ZNF774: variants seen among roughly 807,000 people sequenced by gnomAD.
ZNF774 encodes the protein zinc finger protein 774.
Under a neutral mutation model 11.1 loss-of-function variants are expected in ZNF774, and 14 were observed. That is an observed-to-expected ratio of 1.26 (90% CI 0.83 to 1.97). The LOEUF (loss-of-function observed/expected upper bound fraction) is 1.97, where lower values mean the gene tolerates loss of function less well. Ranked by LOEUF, ZNF774 falls within the 30% of genes most tolerant of loss-of-function variation. The probability of loss-of-function intolerance (pLI) is 0.00; values close to 1 mark genes in which losing one functional copy is unlikely to be tolerated. For missense variants in ZNF774, 599 were observed against 587.0 expected (o/e 1.02, Z -0.21); for synonymous variants, 195 against 212.6 (o/e 0.92, Z 0.72).
Position 90,361,588 on chromosome 15 carries a change from G to A in ZNF774, c.*305G>A, listed in dbSNP as rs1964338542. 1 of 1,019,216 alleles carries A rather than the reference G, an allele frequency of 9.8e-7. No homozygotes were observed. The highest frequency in any genetic ancestry group is 1.2e-6 in the Non-Finnish European group (1 of 834,000). 63.1% of individuals were successfully genotyped at this position (1,019,216 alleles called of 1,614,324 possible). A position where few individuals can be genotyped will look rare whatever the true frequency, so the allele number is the denominator to read the frequency against. ...GCACTTTTGGGAGGCCAAGGTGGGT[G>A]GATCACTTGAGGTCAGGAGTTGAGA... On this transcript the variant is annotated 3_prime_UTR_variant, in exon 4 of 4. Transcript: ENST00000354377.
In ZNF774 at chr15:90,360,864, AG is replaced by A; in HGVS notation, c.1035del (p.Arg345SerfsTer82). The A allele has an allele frequency of 6.2e-7, 1 of 1,614,148 alleles. No individual in the cohort carries two copies. The highest frequency in any genetic ancestry group is 8.5e-7 in the Non-Finnish European group (1 of 1,180,030). On this transcript the variant is annotated frameshift_variant, in exon 4 of 4. Coordinates refer to ENST00000354377, the MANE Select transcript of ZNF774 (RefSeq NM_001004309.3). LOFTEE classifies it low-confidence loss of function (END_TRUNC). Reference protein sequence around the residue: ...VAHMSTHSGERPFSCPDCHKS... With the variant: ...VAHMSTHSGEXPFSCPDCHKS... ...TCACATGAGCACTCATTCAGGAGAG[AG>A]GCCTTTCAGTTGTCCTGACTGCCAC...
chr15:90,359,120 C>T (rs1223986088), intron 3 of ZNF774, among the ~76,000 whole-genome samples, 163 bp downstream of exon 3: 1 of 143,446 alleles, frequency 7.0e-6, no homozygotes, highest in Non-Finnish European at 1.5e-5. Context: ...GGCCGGACTG[C>T]GGACTGCAGT....
rs1174854630 is a variant in ZNF774, at chr15:90,360,411, C to T, written c.580C>T (p.Leu194Phe). 4 of 1,613,276 alleles carry T rather than the reference C, an allele frequency of 2.5e-6. No homozygotes were observed. Among genetic ancestry groups the T allele is most frequent in the South Asian group, 2.2e-5 (2 of 91,050 alleles). The change falls in exon 4 of 4, where the codon CTT becomes TTT. Residue 194 changes from leucine to phenylalanine, a missense_variant. Transcript: ENST00000354377. The part of the protein sequence containing the change: ...CGKGFKQSSD[L>F]VTHRRTHTGE... The stretch of plus-strand genomic sequence containing the variant: ...GAAAGGCTTCAAACAGAGCTCAGAC[C>T]TTGTCACCCATCGCAGAACACACAC...
Position 90,362,517 on chromosome 15 carries a change from G to T in ZNF774, c.*1234G>T, listed in dbSNP as rs1413696021. ...CTGGGTCATTGGCCATTTAGTTTTA[G>T]GTTAATATAATTCTCTGATCCTTTT... On this transcript the variant is annotated 3_prime_UTR_variant, in exon 4 of 4. Coordinates refer to ENST00000354377, the MANE Select transcript of ZNF774 (RefSeq NM_001004309.3). 6.5e-7 allele frequency: 1 copy of T among 1,534,368 alleles called. No individual in the cohort carries two copies. The highest frequency in any genetic ancestry group is 2.0e-5 in the Admixed American group (1 of 50,960).
At chr15:90,355,480 T>C in intron 2 of ZNF774, 1 of 455,578 alleles carries the variant, frequency 2.2e-6, no homozygotes, top group Non-Finnish European at 4.4e-6. Context: ...ATCCCAGCAC[T>C]TTGGTAGGCT....
intron 3 of ZNF774, among the ~76,000 whole-genome samples, chr15:90,359,293 C>T (rs1454886667): frequency 6.6e-6 from 1 of 150,652 alleles, no homozygotes; most frequent in South Asian, 2.1e-4. Context: ...AGGATGGTCT[C>T]GATCTCCTGA....
In ZNF774 at chr15:90,360,495, C is replaced by G. The variant is rs74868296; in HGVS notation, c.664C>G (p.Leu222Val). Residue 222 changes from leucine (L) to valine (V), a missense_variant, in exon 4 of 4, where the codon CTC (leucine) becomes GTC (valine). Leu to Val is a conservative substitution (Grantham distance 32). Transcript: ENST00000354377. The part of the protein sequence containing the change: ...CEKKFSDSST[L>V]IKHQRTHTGE... Reference sequence around the variant, plus strand: ...GAAGAAATTCAGCGACAGCTCAACACTCATCAAACATCAGAGAACCCACAC... The same window carrying G: ...GAAGAAATTCAGCGACAGCTCAACAGTCATCAAACATCAGAGAACCCACAC... 9 of 1,614,008 alleles carry G rather than the reference C, an allele frequency of 5.6e-6. No homozygotes were observed. In the African/African-American group the frequency reaches 1.1e-4, roughly 19 times the overall value.
rs2151682799 is a variant in ZNF774, at chr15:90,359,982, T to C, written c.212-61T>C. On this transcript the variant is annotated intron_variant, in intron 3 of 3. Coordinates refer to ENST00000354377, the MANE Select transcript of ZNF774 (RefSeq NM_001004309.3). ...GGGATTTTAATCTTTGTCACTGCTT[T>C]CTGATATTCCTTCCTGATAACTGAT... The C allele has an allele frequency of 4.0e-6, 6 of 1,509,692 alleles. No individual in the cohort carries two copies. The South Asian group carries it at 5.4e-5, about 14-fold the overall frequency. The allele number at this position is 1,509,692 out of a possible 1,614,324, so 93.5% of individuals were successfully genotyped here.
intron 2 of ZNF774, among the ~76,000 whole-genome samples, chr15:90,356,027 CA>C (rs34661455): frequency 0.3 from 33,981 of 112,362 alleles, 5,299 homozygotes; most frequent in East Asian, 0.63. Context: ...GACTCCATCT[CA>C]AAAAAAAAAA....
At position 90,361,248 on chromosome 15, in the gene ZNF774, CA is replaced by C; in HGVS notation, c.1418del (p.His473LeufsTer10). 6.2e-7 allele frequency: 1 copy of C among 1,610,210 alleles called. No homozygotes were observed. Among genetic ancestry groups the C allele is most frequent in the Non-Finnish European group, 8.5e-7 (1 of 1,177,722 alleles). On this transcript the variant is annotated frameshift_variant, in exon 4 of 4. Transcript: ENST00000354377. LOFTEE classifies it high-confidence loss of function. ...KCNKSFRQKA[H>X]LLCHQNTHLI is the part of the protein sequence containing the mutation. Reference sequence around the variant, plus strand: ...TAACAAGAGCTTCCGTCAGAAAGCGCATCTTTTATGCCATCAAAACACCCAT... The same window carrying C: ...TAACAAGAGCTTCCGTCAGAAAGCGCTCTTTTATGCCATCAAAACACCCAT...
chr15:90,359,060 CA>C (rs1272701863), intron 3 of ZNF774, 103 bp downstream of exon 3: 25 of 420,192 alleles, frequency 5.9e-5, no homozygotes, highest in Non-Finnish European at 8.8e-5. Flanking sequence ...TACTAGCAGA[CA>C]TTTTTTTTTT....
chr15:90,355,593 G>A (rs1367880335), intron 2 of ZNF774, among the ~76,000 whole-genome samples: 1 of 151,692 alleles, frequency 6.6e-6, no homozygotes, highest in Non-Finnish European at 1.5e-5. Flanking sequence ...TGTGATAGCG[G>A]GCGCCTGTAA....
Position 90,360,045 on chromosome 15 carries a change from T to TGTGAGCATCAG in ZNF774, c.218_228dup (p.Ala77SerfsTer43). Reference sequence around the variant, plus strand: ...TGTTACTTACATTAATTTTTCAGACTGTGAGCATCAGGTGGCAAAGCTCAA... The same window carrying TGTGAGCATCAG: ...TGTTACTTACATTAATTTTTCAGACTGTGAGCATCAGGTGAGCATCAGGTGGCAAAGCTCAA... On this transcript the variant is annotated frameshift_variant, in exon 4 of 4. Coordinates refer to ENST00000354377, the MANE Select transcript of ZNF774 (RefSeq NM_001004309.3). LOFTEE classifies it low-confidence loss of function (END_TRUNC). 1 of 1,597,788 alleles carries TGTGAGCATCAG rather than the reference T, an allele frequency of 6.3e-7. No homozygotes were observed. Among genetic ancestry groups the TGTGAGCATCAG allele is most frequent in the Non-Finnish European group, 8.5e-7 (1 of 1,171,346 alleles).
At chr15:90,353,819 T>C (rs1055767656) in intron 1 of ZNF774, among the ~76,000 whole-genome samples, 1 of 152,116 alleles carries the variant, frequency 6.6e-6, no homozygotes, top group Non-Finnish European at 1.5e-5. Flanking sequence ...GGCTGGTTTA[T>C]TGGAAACTTT....
chr15:90,354,623 T>G lies in ZNF774; in HGVS notation c.-19-19T>G. On this transcript the variant is annotated intron_variant, in intron 1 of 3. Transcript: ENST00000354377. ...ATATCTAGGGAGCTACTGATGCACA[T>G]TGAGGTCTCTTGCTTTAGGAACTGA... The G allele has an allele frequency of 6.7e-7, 1 of 1,497,890 alleles. No homozygotes were observed. The highest frequency in any genetic ancestry group is 2.3e-5 in the East Asian group (1 of 43,484). The allele number at this position is 1,497,890 out of a possible 1,614,324, so 92.8% of individuals were successfully genotyped here. A position where few individuals can be genotyped will look rare whatever the true frequency, so the allele number is the denominator to read the frequency against.
rs911702813 is a variant in ZNF774, at chr15:90,362,323, A to T, written c.*1040A>T. ...CAGTGTATGGCAGTGTATCTACCAG[A>T]GGTTTGCTGTCATCTGACACAGAGA... On this transcript the variant is annotated 3_prime_UTR_variant, in exon 4 of 4. Transcript: ENST00000354377. 7.5e-6 allele frequency: 4 copies of T among 531,218 alleles called. No homozygotes were observed. The Admixed American group carries it at 1.3e-4, about 17-fold the overall frequency. 32.9% of individuals were successfully genotyped at this position (531,218 alleles called of 1,614,324 possible). A position where few individuals can be genotyped will look rare whatever the true frequency, so the allele number is the denominator to read the frequency against.
intron 2 of ZNF774, among the ~76,000 whole-genome samples, chr15:90,355,892 G>A (rs1274921855): frequency 6.6e-6 from 1 of 150,886 alleles, no homozygotes; most frequent in Non-Finnish European, 1.5e-5. Context: ...AGCCAGGCAT[G>A]GTGGTGGGCA....
intron 3 of ZNF774, 82 bp downstream of exon 3, chr15:90,359,039 A>C (rs1964286207): frequency 9.6e-7 from 1 of 1,040,454 alleles, no homozygotes; most frequent in South Asian, 1.4e-5. Context: ...GCTGCCTTAG[A>C]ATTTTGTTCT....
chr15:90,354,899 A>T, intron 2 of ZNF774, 135 bp downstream of exon 2: 2 of 739,908 alleles, frequency 2.7e-6, no homozygotes, highest in Non-Finnish European at 4.6e-6. Context: ...GGCTCAAGCG[A>T]TTCTCCCACC....
Sources: allele counts gnomAD v4.1 joint callset (sites outside exome capture counted in the v4.1 genomes callset), GRCh38; gene constraint gnomAD v4.1.1; transcripts MANE v1.5; gene names NCBI Gene and HGNC (gene_info 2026-07-23, HGNC 2026-07-21).